The following ABCC1 variants were observed in gnomAD, a reference collection of about 807,000 sequenced individuals.
The protein encoded by ABCC1 is multidrug resistance-associated protein 1.
In ABCC1, 83 loss-of-function variants were observed where a neutral mutation model predicts 172.9. The observed-to-expected ratio is 0.48, with a 90% CI of 0.40 to 0.58. The LOEUF is 0.58. Among genes scored for constraint, ABCC1 ranks in the 20% least tolerant of loss-of-function variants. The pLI is 0.00. For synonymous variants in ABCC1, 937 were observed against 825.2 expected, an observed-to-expected ratio of 1.14 and a Z score of -2.32; for missense variants, 1,817 against 2,002.7, an observed-to-expected ratio of 0.91 and a Z score of 1.77.
chr16:16,131,942 A>G lies in ABCC1; in HGVS notation c.3966+7A>G, dbSNP rs1302187378. 1.2e-6 allele frequency: 2 copies of G among 1,612,998 alleles called. No homozygotes were observed. The highest frequency in any genetic ancestry group is 1.3e-5 in the African/African-American group (1 of 75,028). On this transcript the variant is annotated splice_region_variant and intron_variant, in intron 27 of 30. Coordinates refer to ENST00000399410, the MANE Select transcript of ABCC1 (RefSeq NM_004996.4). Reference sequence around the variant, plus strand: ...GATCAATGGGGGAGAAAAGGTGGGTACACATCGCCCCATTCCCTCACCCAT... The same window carrying G: ...GATCAATGGGGGAGAAAAGGTGGGTGCACATCGCCCCATTCCCTCACCCAT...
At chr16:16,032,948 A>G (rs535815013) in intron 5 of ABCC1, among the ~76,000 whole-genome samples, 161 bp from the exon 6 acceptor site, 1 of 152,286 alleles carries the variant, frequency 6.6e-6, no homozygotes, top group South Asian at 2.1e-4. Context: ...TCTCCTGGCT[A>G]TTAGGAGAGG....
intron 17 of ABCC1, 103 bp from the exon 18 acceptor site, chr16:16,086,721 G>C: frequency 7.6e-7 from 1 of 1,318,016 alleles, no homozygotes; most frequent in Non-Finnish European, 1.1e-6. Flanking sequence ...CTTCCACCTT[G>C]GCCTCCCAAA....
chr16:15,984,448 C>CTTT (rs1555475245), intron 1 of ABCC1, among the ~76,000 whole-genome samples: 10 of 146,950 alleles, frequency 6.8e-5, no homozygotes, highest in Admixed American at 4.1e-4. Context: ...TTGATATATA[C>CTTT]TTTTTTTTTT....
intron 11 of ABCC1, among the ~76,000 whole-genome samples, chr16:16,054,310 T>C (rs1235162444): frequency 1.3e-5 from 2 of 152,146 alleles, no homozygotes; most frequent in Non-Finnish European, 2.9e-5. Context: ...ATTATTACCA[T>C]ATCTGTTTTT....
chr16:16,052,653 C>A, intron 10 of ABCC1, 71 bp from the exon 11 acceptor site: 1 of 1,473,942 alleles, frequency 6.8e-7, no homozygotes, highest in Non-Finnish European at 9.5e-7. Context: ...GATGGATCAA[C>A]CGGGGAAGCT....
chr16:16,136,753 G>A, intron 29 of ABCC1, 109 bp downstream of exon 29: 2 of 1,310,070 alleles, frequency 1.5e-6, no homozygotes, highest in Non-Finnish European at 2.1e-6. Flanking sequence ...TTGAGTCCCA[G>A]ATGACCATTT....
At chr16:16,051,111 C>G (rs540226943) in intron 10 of ABCC1, among the ~76,000 whole-genome samples, 1 of 151,338 alleles carries the variant, frequency 6.6e-6, no homozygotes, top group African/African-American at 2.4e-5. Context: ...ACTGTTGACA[C>G]TTGGGGCCAG....
intron 13 of ABCC1, 62 bp from the exon 14 acceptor site, chr16:16,071,580 T>G: frequency 7.1e-7 from 1 of 1,408,714 alleles, no homozygotes; most frequent in Non-Finnish European, 9.9e-7. Context: ...AAGTTAACCT[T>G]GGTTGGTTTT....
At chr16:16,045,775 C>T in intron 8 of ABCC1, 61 bp from the exon 9 acceptor site, 1 of 1,537,320 alleles carries the variant, frequency 6.5e-7, no homozygotes, top group Non-Finnish European at 8.9e-7. Context: ...AACACTGAAG[C>T]TCTCTTCCCT....
chr16:16,081,098 C>A (rs986503826), intron 16 of ABCC1, among the ~76,000 whole-genome samples: 1 of 152,158 alleles, frequency 6.6e-6, no homozygotes, highest in Non-Finnish European at 1.5e-5. Context: ...GAACTCCTAA[C>A]CTCAGGTGAT....
At chr16:16,105,995 A>T (rs1472382568) in intron 20 of ABCC1, among the ~76,000 whole-genome samples, 2 of 148,344 alleles carry the variant, frequency 1.3e-5, no homozygotes, top group African/African-American at 2.5e-5. Flanking sequence ...TCCTGCCTCA[A>T]CCTCCCAAGT....
chr16:15,950,668 G>C (rs904688083), intron 1 of ABCC1, among the ~76,000 whole-genome samples: 1 of 152,166 alleles, frequency 6.6e-6, no homozygotes, highest in Non-Finnish European at 1.5e-5. Context: ...AATGCGATTT[G>C]CCTCTTTGTT....
At chr16:16,043,272 A>T (rs1255459711) in intron 7 of ABCC1, among the ~76,000 whole-genome samples, 1 of 70,790 alleles carries the variant, frequency 1.4e-5, no homozygotes, top group Non-Finnish European at 2.7e-5. Context: ...CTATCCCTTT[A>T]CCTGTCTTGA....
chr16:15,953,803 G>C (rs1427082967), intron 1 of ABCC1, among the ~76,000 whole-genome samples: 1 of 152,124 alleles, frequency 6.6e-6, no homozygotes, highest in South Asian at 2.1e-4. Context: ...TAGCCGCCAA[G>C]GAAGAATATC....
chr16:16,028,870 T>C (rs2048465447), intron 5 of ABCC1, among the ~76,000 whole-genome samples: 1 of 152,128 alleles, frequency 6.6e-6, no homozygotes, highest in Non-Finnish European at 1.5e-5. Context: ...AGAACCCAGG[T>C]CTGTCCGGGT....
At chr16:16,017,974 G>A (rs1305799786) in intron 5 of ABCC1, among the ~76,000 whole-genome samples, 1 of 152,190 alleles carries the variant, frequency 6.6e-6, no homozygotes, top group African/African-American at 2.4e-5. Context: ...GAGACAGTGG[G>A]TGCCTGAGAG....
chr16:16,045,395 CAAAAAAAAAAA>C (rs34870561), intron 8 of ABCC1, among the ~76,000 whole-genome samples: 1 of 64,704 alleles, frequency 1.5e-5, no homozygotes, highest in Non-Finnish European at 2.9e-5. Flanking sequence ...GACTTTGTCT[CAAAAAAAAAAA>C]AAAAAAAAAA....
intron 1 of ABCC1, among the ~76,000 whole-genome samples, chr16:15,952,768 G>A (rs1348166356): frequency 1.5e-5 from 2 of 135,450 alleles, no homozygotes; most frequent in African/African-American, 5.6e-5. Flanking sequence ...AGTGGCTCAC[G>A]CCTGTAATCC....
intron 10 of ABCC1, among the ~76,000 whole-genome samples, chr16:16,051,169 GT>G (rs955224456): frequency 1.3e-5 from 2 of 150,646 alleles, no homozygotes; most frequent in East Asian, 1.9e-4. Context: ...TCTTGTTATT[GT>G]TTTTTTTGTT....
Sources: gnomAD v4.1 joint callset for allele counts (sites outside exome capture counted in the v4.1 genomes callset) on GRCh38, gnomAD v4.1.1 for gene constraint, MANE v1.5 for transcripts, NCBI Gene and HGNC (gene_info 2026-07-23, HGNC 2026-07-21) for gene names.